The following ARHGEF3 variants were observed in gnomAD, a reference collection of about 807,000 sequenced individuals.
ARHGEF3 encodes 59.8 kDA protein.
In ARHGEF3, 28 loss-of-function variants were observed where a neutral mutation model predicts 63.2. The ratio of observed to expected loss-of-function variants is 0.44; its 90% CI spans 0.33 to 0.61. ARHGEF3 has a LOEUF of 0.61. Ranked by LOEUF, ARHGEF3 falls within the 20% of genes least tolerant of loss-of-function variation. The probability of loss-of-function intolerance (pLI) is 0.03; values close to 1 mark genes in which losing one functional copy is unlikely to be tolerated. For missense variants in ARHGEF3, 533 were observed against 659.3 expected (o/e 0.81, Z 2.10); for synonymous variants, 266 against 254.2 (o/e 1.05, Z -0.44).
intron 2 of ARHGEF3, among the ~76,000 whole-genome samples, chr3:57,025,145 G>A (rs1703421378): frequency 6.6e-6 from 1 of 152,178 alleles, no homozygotes; most frequent in African/African-American, 2.4e-5. Context: ...GATCTGTTCT[G>A]GATCGAAGGA....
chr3:56,966,078 AC>A (rs1700482718), intron 2 of ARHGEF3, among the ~76,000 whole-genome samples: 1 of 152,256 alleles, frequency 6.6e-6, no homozygotes, highest in Admixed American at 6.6e-5. Flanking sequence ...ATTTAGAAAC[AC>A]ACAAAATACT....
intron 2 of ARHGEF3, among the ~76,000 whole-genome samples, chr3:56,984,847 C>A (rs1701471336): frequency 6.6e-6 from 1 of 152,112 alleles, no homozygotes. Context: ...GGGAGCCCGG[C>A]CTTGGACAGT....
intron 7 of ARHGEF3, among the ~76,000 whole-genome samples, chr3:56,742,079 C>A (rs2107721551): frequency 6.6e-6 from 1 of 152,252 alleles, no homozygotes; most frequent in South Asian, 2.1e-4. Flanking sequence ...GTCCCTTGTG[C>A]CATGATACTC....
At chr3:57,074,111 G>A in intron 1 of ARHGEF3, 1 of 1,613,684 alleles carries the variant, frequency 6.2e-7, no homozygotes, top group Non-Finnish European at 8.5e-7. Context: ...ATAATGAGAG[G>A]ACCACAGGAT....
chr3:56,805,465 GC>G (rs944733172), upstream of ARHGEF3, among the ~76,000 whole-genome samples: 3 of 152,080 alleles, frequency 2.0e-5, no homozygotes, highest in African/African-American at 7.2e-5. Context: ...GAATTCCTGA[GC>G]TCAAGTGATC....
At chr3:56,815,356 TATTTA>T (rs2038231696) in intron 4 of ARHGEF3, among the ~76,000 whole-genome samples, 1 of 152,192 alleles carries the variant, frequency 6.6e-6, no homozygotes, top group Non-Finnish European at 1.5e-5. Flanking sequence ...GATTTTATGC[TATTTA>T]ATTTCAGGAA....
intron 2 of ARHGEF3, among the ~76,000 whole-genome samples, chr3:56,965,022 G>A (rs1393462230): frequency 1.3e-5 from 2 of 152,182 alleles, no homozygotes; most frequent in Non-Finnish European, 2.9e-5. Flanking sequence ...GGTGGCCAAG[G>A]AAGGAGGATC....
intron 4 of ARHGEF3, among the ~76,000 whole-genome samples, chr3:56,817,684 G>A (rs1457487802): frequency 3.3e-5 from 5 of 152,218 alleles, no homozygotes; most frequent in African/African-American, 1.2e-4. Flanking sequence ...CTGCCCTGTT[G>A]TATAAATGAG....
chr3:56,987,206 T>C (rs1701577545), intron 2 of ARHGEF3, among the ~76,000 whole-genome samples: 1 of 152,180 alleles, frequency 6.6e-6, no homozygotes, highest in South Asian at 2.1e-4. Flanking sequence ...AGTGAGACCC[T>C]GACTCAGAAA....
intron 3 of ARHGEF3, among the ~76,000 whole-genome samples, chr3:56,919,126 G>C (rs572940574): frequency 6.6e-6 from 1 of 152,282 alleles, no homozygotes; most frequent in East Asian, 1.9e-4. Context: ...CCAGCTTTTC[G>C]GGTTCCTAAG....
chr3:56,810,026 C>T (rs1440821577), intron 4 of ARHGEF3, among the ~76,000 whole-genome samples: 1 of 152,042 alleles, frequency 6.6e-6, no homozygotes, highest in Non-Finnish European at 1.5e-5. Flanking sequence ...CCGTGCCTGG[C>T]CATATATTTA....
At chr3:56,790,628 G>C (rs2037030782) in intron 1 of ARHGEF3, among the ~76,000 whole-genome samples, 1 of 152,290 alleles carries the variant, frequency 6.6e-6, no homozygotes, top group East Asian at 1.9e-4. Flanking sequence ...TATCTTCTCT[G>C]TATTTGCCTG....
chr3:56,935,157 C>T (rs1284179493), intron 3 of ARHGEF3, among the ~76,000 whole-genome samples: 1 of 152,172 alleles, frequency 6.6e-6, no homozygotes, highest in Admixed American at 6.5e-5. Context: ...AGTCAGCACC[C>T]TGTGTCTAGC....
chr3:56,792,093 G>A (rs1201252890), intron 1 of ARHGEF3, among the ~76,000 whole-genome samples: 3 of 120,132 alleles, frequency 2.5e-5, no homozygotes, highest in Admixed American at 9.1e-5. Flanking sequence ...ACAAGAGTGA[G>A]ACTCTGTCTC....
At chr3:56,900,616 C>G (rs1176488610) in intron 3 of ARHGEF3, among the ~76,000 whole-genome samples, 1 of 152,180 alleles carries the variant, frequency 6.6e-6, no homozygotes, top group Non-Finnish European at 1.5e-5. Context: ...GGCCACAGAG[C>G]AAGATCCTGT....
chr3:57,010,467 A>C (rs920890524), intron 2 of ARHGEF3, among the ~76,000 whole-genome samples: 1 of 151,944 alleles, frequency 6.6e-6, no homozygotes, highest in Non-Finnish European at 1.5e-5. Context: ...AAAAAAAAAA[A>C]AAAAAAACCC....
chr3:57,027,382 C>T (rs554846070), intron 2 of ARHGEF3, among the ~76,000 whole-genome samples: 28 of 152,350 alleles, frequency 1.8e-4, no homozygotes, highest in Admixed American at 1.3e-3. Context: ...CACCCTTCCA[C>T]ACCTCAGTGG....
At chr3:56,992,024 CTGTGTGTGTGTGTGTGTGTGTGTGTGTG>C (rs58860849) in intron 2 of ARHGEF3, among the ~76,000 whole-genome samples, 2 of 131,718 alleles carry the variant, frequency 1.5e-5, no homozygotes, top group East Asian at 2.3e-4. Flanking sequence ...CCTCCTCTCT[CTGTGTGTGTGTGTGTGTGTGTGTGTGTG>C]TGTGTGTGTG....
In ARHGEF3 at chr3:56,754,961, T is replaced by C; in HGVS notation, c.375+20A>G. ...CCTTTGTTCCAGACACACAGCCAGC[T>C]CCATGGGCCCCGAGCCTACCTCCTG... On this transcript the variant is annotated intron_variant, in intron 3 of 9. Coordinates refer to ENST00000296315, the MANE Select transcript of ARHGEF3 (RefSeq NM_019555.3). 1 of 1,614,060 alleles carries C rather than the reference T, an allele frequency of 6.2e-7. No individual in the cohort carries two copies. The highest frequency in any genetic ancestry group is 8.5e-7 in the Non-Finnish European group (1 of 1,179,984).
Sources: gnomAD v4.1 joint callset for allele counts (sites outside exome capture counted in the v4.1 genomes callset) on GRCh38, gnomAD v4.1.1 for gene constraint, MANE v1.5 for transcripts, NCBI Gene and HGNC (gene_info 2026-07-23, HGNC 2026-07-21) for gene names.